Variants in PEX1 observed in about 807,000 individuals in gnomAD.
PEX1 encodes peroxisomal biogenesis factor 1.
PEX1 carries 97 observed loss-of-function variants against 152.5 expected under a neutral mutation model. That is an observed-to-expected ratio of 0.64 (90% CI 0.54 to 0.75). The LOEUF is 0.75. Ranked by LOEUF, PEX1 falls within the 30% of genes least tolerant of loss-of-function variation. The pLI is 0.00. For missense variants in PEX1, 1,357 were observed against 1,516.3 expected (o/e 0.89, Z 1.74); for synonymous variants, 485 against 531.6 (o/e 0.91, Z 1.21).
chr7:92,517,217 TA>T (rs1792829165), intron 5 of PEX1, 58 bp downstream of exon 5: 1 of 1,244,620 alleles, frequency 8.0e-7, no homozygotes, highest in Non-Finnish European at 1.2e-6. Flanking sequence ...TTCTAATTCA[TA>T]ATTTGGGGAT....
chr7:92,521,962 T>C, intron 2 of PEX1, 140 bp downstream of exon 2: 2 of 782,214 alleles, frequency 2.6e-6, no homozygotes, highest in Admixed American at 4.1e-5. Context: ...TCAGCTTCAA[T>C]ATCCTAGACT....
intron 22 of PEX1, 91 bp downstream of exon 22, chr7:92,489,623 G>C: frequency 8.3e-7 from 1 of 1,199,834 alleles, no homozygotes; most frequent in South Asian, 1.3e-5. Context: ...TATAAATATA[G>C]CTCGTTTATA....
At chr7:92,506,113 T>C in intron 11 of PEX1, 135 bp downstream of exon 11, 3 of 86,714 alleles carry the variant, frequency 3.5e-5, no homozygotes, top group Non-Finnish European at 4.1e-5. Context: ...CCAAAGAAAT[T>C]TTAATGACTA....
chr7:92,488,933 C>T (rs893427412), intron 23 of PEX1, among the ~76,000 whole-genome samples: 3 of 152,124 alleles, frequency 2.0e-5, no homozygotes, highest in Non-Finnish European at 2.9e-5. Context: ...GGGGTTTCCC[C>T]GTGTTGGTTA....
rs940100268 is a variant in PEX1 at position 92,495,415 on chromosome 7, T to C, written c.2784-786A>G. Among the ~76,000 whole-genome samples, 6 of 152,174 alleles carry C rather than the reference T, an allele frequency of 3.9e-5. No homozygotes were observed. In the East Asian group the frequency reaches 1.2e-3, roughly 29 times the overall value. On this transcript the variant is annotated intron_variant, in intron 17 of 23. Transcript: ENST00000248633. ...CCAGAATTATCTGCTACTTGAATGT[T>C]TGGCAAAACTCTCCTAGAAAACTGA... is the stretch of plus-strand genomic sequence containing the variant.
intron 7 of PEX1, among the ~76,000 whole-genome samples, chr7:92,511,322 C>T (rs750260074): frequency 3.3e-5 from 5 of 152,016 alleles, no homozygotes; most frequent in Non-Finnish European, 7.4e-5. Flanking sequence ...GATAGGGTTG[C>T]GCCATGTTGG....
rs1459472276 is a variant in PEX1, at chr7:92,487,544, G to GA, written c.3768-4dup. On this transcript the variant is annotated splice_region_variant and splice_polypyrimidine_tract_variant and intron_variant, in intron 23 of 23. Transcript: ENST00000248633. Reference sequence around the variant, plus strand: ...TTGGATTTTGAAAGCTTTCATATCTGAAAAAAGAAAGAGATAATTTAATAT... The same window carrying GA: ...TTGGATTTTGAAAGCTTTCATATCTGAAAAAAAGAAAGAGATAATTTAATAT... 2 of 1,460,108 alleles carry GA rather than the reference G, an allele frequency of 1.4e-6. No homozygotes were observed. The highest frequency in any genetic ancestry group is 1.7e-5 in the Admixed American group (1 of 58,242). 90.4% of individuals were successfully genotyped at this position (1,460,108 alleles called of 1,614,324 possible).
chr7:92,490,159 T>G (rs1309418804), intron 21 of PEX1: 7 of 516,052 alleles, frequency 1.4e-5, no homozygotes, highest in Middle Eastern at 5.3e-4. Context: ...TTTTTTAACT[T>G]TGTTGCTTAA....
At position 92,488,729 on chromosome 7, in the gene PEX1, A is replaced by AT. The variant is rs199766658; in HGVS notation, c.3767+563dup. On this transcript the variant is annotated intron_variant, in intron 23 of 23. Transcript: ENST00000248633. ...CTTCTTATTTCTTCGAAGTTACTAAATTTTTTTTTTTTTTTTTTGAGACAC... is the reference window on the plus strand; with the variant it reads ...CTTCTTATTTCTTCGAAGTTACTAAATTTTTTTTTTTTTTTTTTTGAGACAC... Among the ~76,000 whole-genome samples, 407 of 142,526 alleles carry AT rather than the reference A, an allele frequency of 2.9e-3. 2 individuals are homozygous for AT. Among genetic ancestry groups the AT allele is most frequent in the East Asian group, 6.7e-3 (33 of 4,954 alleles). The allele number at this position is 142,526 out of a possible 152,430, so 93.5% of individuals were successfully genotyped here.
chr7:92,510,600 A>G (rs1450704101), intron 8 of PEX1, among the ~76,000 whole-genome samples: 1 of 152,156 alleles, frequency 6.6e-6, no homozygotes, highest in Non-Finnish European at 1.5e-5. Flanking sequence ...AATTGCATGT[A>G]AAAATAGGAA....
intron 12 of PEX1, among the ~76,000 whole-genome samples, chr7:92,504,279 G>C (rs1023754494): frequency 2.6e-5 from 4 of 151,894 alleles, no homozygotes; most frequent in African/African-American, 9.7e-5. Flanking sequence ...AAAGCCCAGG[G>C]AATATCTTCA....
intron 16 of PEX1, among the ~76,000 whole-genome samples, chr7:92,498,158 C>CA (rs1340623856): frequency 6.6e-6 from 1 of 150,684 alleles, no homozygotes; most frequent in African/African-American, 2.4e-5. Context: ...TGCCAGTTCT[C>CA]AAAAAAACAC....
intron 9 of PEX1, among the ~76,000 whole-genome samples, chr7:92,508,330 C>T (rs1792297118): frequency 6.6e-6 from 1 of 151,946 alleles, no homozygotes. Flanking sequence ...GCAGGCGGAT[C>T]ACTTGAGACC....
At chr7:92,525,754 AAAT>A (rs1262187872) in intron 1 of PEX1, among the ~76,000 whole-genome samples, 29 of 152,214 alleles carry the variant, frequency 1.9e-4, no homozygotes, top group African/African-American at 7.0e-4. Flanking sequence ...GTCAGTCCTG[AAAT>A]AATGACTTGA....
chr7:92,507,212 A>C, intron 9 of PEX1, 86 bp from the exon 10 acceptor site: 2 of 1,095,800 alleles, frequency 1.8e-6, no homozygotes, highest in South Asian at 2.8e-5. Flanking sequence ...TTGCCTTCCC[A>C]GTGTAGTTAA....
At chr7:92,496,634 A>G in intron 17 of PEX1, 79 bp downstream of exon 17, 1 of 976,774 alleles carries the variant, frequency 1.0e-6, no homozygotes, top group Non-Finnish European at 1.7e-6. Flanking sequence ...CAGTTCTTCA[A>G]AAAACAAGAC....
chr7:92,525,951 ATGAC>A (rs1793246665), intron 1 of PEX1, among the ~76,000 whole-genome samples: 1 of 152,228 alleles, frequency 6.6e-6, no homozygotes, highest in African/African-American at 2.4e-5. Flanking sequence ...AGGAAGAAAA[ATGAC>A]TGAGGGAAGA....
At chr7:92,520,897 A>C (rs1417196579) in intron 2 of PEX1, among the ~76,000 whole-genome samples, 1 of 152,250 alleles carries the variant, frequency 6.6e-6, no homozygotes, top group South Asian at 2.1e-4. Context: ...CCCCATTCTG[A>C]GGATGGGACT....
At chr7:92,511,730 T>G (rs754111784) in intron 6 of PEX1, 27 bp from the exon 7 acceptor site, 3 of 1,601,252 alleles carry the variant, frequency 1.9e-6, no homozygotes, top group Non-Finnish European at 2.6e-6. Context: ...TAGTAATGAA[T>G]TATCCTCATA....
Sources: gnomAD v4.1 joint callset for allele counts (sites outside exome capture counted in the v4.1 genomes callset) on GRCh38, gnomAD v4.1.1 for gene constraint, MANE v1.5 for transcripts, NCBI Gene and HGNC (gene_info 2026-07-23, HGNC 2026-07-21) for gene names.